Variants in CRHR1 observed in about 807,000 individuals in gnomAD.
The protein encoded by CRHR1 is corticotropin-releasing hormone receptor 1.
In CRHR1, 28 loss-of-function variants were observed where a neutral mutation model predicts 56.0. The observed-to-expected ratio is 0.50, with a 90% CI of 0.37 to 0.69. The LOEUF is 0.69. Ranked by LOEUF, CRHR1 falls within the 30% of genes least tolerant of loss-of-function variation. The pLI, the probability that CRHR1 is intolerant of heterozygous loss-of-function variation, is 0.00. For synonymous variants in CRHR1, 195 were observed against 216.5 expected (o/e 0.90, Z 0.87); for missense variants, 376 against 548.0 (o/e 0.69, Z 3.13).
At chr17:45,833,097 C>A in intron 8 of CRHR1, 41 bp from the exon 9 acceptor site, 2 of 1,554,942 alleles carry the variant, frequency 1.3e-6, no homozygotes, top group Non-Finnish European at 8.9e-7. Context: ...TCGAGGTGGA[C>A]GCAGATGACC....
At chr17:45,794,277 T>C (rs2061478462) in intron 1 of CRHR1, among the ~76,000 whole-genome samples, 1 of 152,250 alleles carries the variant, frequency 6.6e-6, no homozygotes, top group African/African-American at 2.4e-5. Context: ...TGGATTCACA[T>C]GAAATGCTTA....
At chr17:45,815,569 T>C (rs1406647095) in intron 2 of CRHR1, among the ~76,000 whole-genome samples, 1 of 152,246 alleles carries the variant, frequency 6.6e-6, no homozygotes, top group Non-Finnish European at 1.5e-5. Context: ...TTAAAATGCA[T>C]GTATACACCA....
rs1344034362 is a variant in CRHR1, at chr17:45,830,232, A to G, written c.555+18A>G. On this transcript the variant is annotated intron_variant, in intron 6 of 12. Transcript: ENST00000314537. ...GCAACGTGGTACGTCCTGGCAGGGG[A>G]GCGGGGAGCAGGTCAGGCCAAACCC... The G allele has an allele frequency of 2.5e-6, 4 of 1,613,018 alleles. No homozygotes were observed. Among genetic ancestry groups the G allele is most frequent in the African/African-American group, 2.7e-5 (2 of 74,750 alleles).
At chr17:45,792,831 C>T (rs1184203121) in intron 1 of CRHR1, among the ~76,000 whole-genome samples, 1 of 152,266 alleles carries the variant, frequency 6.6e-6, no homozygotes, top group African/African-American at 2.4e-5. Context: ...CCAGATTCCA[C>T]ATGGACCCCT....
chr17:45,809,000 A>T (rs1845589428), intron 2 of CRHR1, among the ~76,000 whole-genome samples: 2 of 152,190 alleles, frequency 1.3e-5, no homozygotes, highest in South Asian at 4.1e-4. Context: ...ATTGCTCATA[A>T]TGATGGAGGG....
At position 45,833,485 on chromosome 17, in the gene CRHR1, A is replaced by G. The variant is rs1459323104; in HGVS notation, c.877A>G (p.Ile293Val). The change falls in exon 10 of 13, where the codon ATC becomes GTC. Residue 293 changes from isoleucine to valine, a missense_variant. Ile to Val is a conservative substitution (Grantham distance 29). Coordinates refer to ENST00000314537, the MANE Select transcript of CRHR1 (RefSeq NM_004382.5). ...NFIFLFNIVRILMTKLRASTT... is the reference protein window; with the variant it reads ...NFIFLFNIVRVLMTKLRASTT... ...CATCTTCCTTTTCAACATCGTCCGC[A>G]TCCTCATGACCAAGCTCCGGGCATC... is the stretch of plus-strand genomic sequence containing the variant. The G allele has an allele frequency of 6.2e-7, 1 of 1,613,968 alleles. No individual in the cohort carries two copies. Among genetic ancestry groups the G allele is most frequent in the Non-Finnish European group, 8.5e-7 (1 of 1,179,992 alleles).
chr17:45,823,465 T>A (rs1007475717), intron 4 of CRHR1, among the ~76,000 whole-genome samples: 3 of 145,892 alleles, frequency 2.1e-5, no homozygotes, highest in Non-Finnish European at 3.0e-5. Context: ...TGGAGTGCTG[T>A]GGCGCGATGT....
chr17:45,819,849 A>G (rs2062005313), intron 3 of CRHR1, among the ~76,000 whole-genome samples: 1 of 152,148 alleles, frequency 6.6e-6, no homozygotes, highest in African/African-American at 2.4e-5. Context: ...GAGAGAGGAG[A>G]GGCCACATCT....
At position 45,784,502 on chromosome 17, in the gene CRHR1, G is replaced by A. The variant is rs892858451; in HGVS notation, c.-43G>A. On this transcript the variant is annotated 5_prime_UTR_variant, in exon 1 of 13. Transcript: ENST00000314537. The surrounding 1 kb of genome is among the most constrained non-coding windows in gnomAD (Gnocchi z 4.2). ...GCCCGCCGGTCCCTCTGGGATGTCC[G>A]TAGGACCCGGGCATTCAGGACGGTA... The A allele has an allele frequency of 3.9e-6, 6 of 1,524,754 alleles. No homozygotes were observed. The highest frequency in any genetic ancestry group is 5.3e-6 in the Non-Finnish European group (6 of 1,134,632). 94.5% of individuals were successfully genotyped at this position (1,524,754 alleles called of 1,614,324 possible).
intron 7 of CRHR1, 31 bp downstream of exon 7, chr17:45,830,601 G>A (rs1380499435): frequency 6.3e-7 from 1 of 1,576,060 alleles, no homozygotes. Context: ...CGCAGCCTGG[G>A]CAGTGGCGGC....
In CRHR1 at chr17:45,833,817, A is replaced by G. The variant is rs751099004; in HGVS notation, c.1033A>G (p.Ile345Val). The change falls in exon 11 of 13, where the codon ATC becomes GTC. Residue 345 changes from isoleucine to valine, a missense_variant. This residue lies in a region of CRHR1 where 369 missense variants were observed against 519.5 expected (regional missense o/e 0.71). Transcript: ENST00000314537. The stretch of plus-strand genomic sequence containing the variant: ...GGATGAGGTCTCCCGGGTCGTCTTC[A>G]TCTACTTCAACTCCTTCCTGGAATC... ...GEDEVSRVVFIYFNSFLESFQ... is the reference protein window; with the variant it reads ...GEDEVSRVVFVYFNSFLESFQ... The G allele has an allele frequency of 2.5e-6, 4 of 1,613,318 alleles. No individual in the cohort carries two copies. The highest frequency in any genetic ancestry group is 3.4e-6 in the Non-Finnish European group (4 of 1,179,924).
At chr17:45,791,116 G>A (rs1241649605) in intron 1 of CRHR1, among the ~76,000 whole-genome samples, 1 of 152,038 alleles carries the variant, frequency 6.6e-6, no homozygotes. Flanking sequence ...TGTGTGAAGG[G>A]CTCATTTCTA....
chr17:45,803,488 G>A (rs2061660706), intron 1 of CRHR1, among the ~76,000 whole-genome samples: 1 of 152,152 alleles, frequency 6.6e-6, no homozygotes, highest in Non-Finnish European at 1.5e-5. Context: ...CTGGGTTCAA[G>A]CAATTCTCCT....
intron 1 of CRHR1, among the ~76,000 whole-genome samples, chr17:45,805,365 G>A (rs1456892291): frequency 6.6e-6 from 1 of 152,082 alleles, no homozygotes; most frequent in Non-Finnish European, 1.5e-5. Context: ...AGAAGGCTGC[G>A]TGCTGCCTGG....
At chr17:45,824,350 G>T (rs1177828312) in intron 4 of CRHR1, among the ~76,000 whole-genome samples, 1 of 152,240 alleles carries the variant, frequency 6.6e-6, no homozygotes, top group Non-Finnish European at 1.5e-5. Flanking sequence ...AGGTCAGGCT[G>T]CAGGCCGCAC....
rs1480770747 is a variant in CRHR1, at chr17:45,784,559, G to C, written c.15G>C (p.Pro5=). The part of the protein sequence containing the change: MGGH[P]QLRLVKALLL... ...CGAGCCCGAGGATGGGAGGGCACCCGCAGCTCCGTCTCGTCAAGGTAACAG... is the reference window on the plus strand; with the variant it reads ...CGAGCCCGAGGATGGGAGGGCACCCCCAGCTCCGTCTCGTCAAGGTAACAG... Residue 5 remains proline, a synonymous_variant, in exon 1 of 13, where the codon CCG becomes CCC. Transcript: ENST00000314537. This position sits in a 1 kb window ranked among gnomAD's most constrained non-coding sequence, Gnocchi z 4.2. The C allele has an allele frequency of 1.3e-6, 2 of 1,554,836 alleles. No homozygotes were observed. The highest frequency in any genetic ancestry group is 1.7e-6 in the Non-Finnish European group (2 of 1,150,542).
chr17:45,831,878 C>T (rs2062318383), intron 8 of CRHR1, among the ~76,000 whole-genome samples: 1 of 152,142 alleles, frequency 6.6e-6, no homozygotes, highest in East Asian at 1.9e-4. Context: ...GGGGCCTGCA[C>T]GGCTTCATTG....
intron 1 of CRHR1, among the ~76,000 whole-genome samples, chr17:45,785,002 G>A (rs1164295129): frequency 6.6e-6 from 1 of 151,940 alleles, no homozygotes; most frequent in Middle Eastern, 3.2e-3. Flanking sequence ...CCCCGACTCC[G>A]CACGCCCCCG....
chr17:45,799,396 A>G (rs1197784037), intron 1 of CRHR1: 1 of 152,268 alleles, frequency 6.6e-6, no homozygotes, highest in Non-Finnish European at 1.5e-5. Context: ...ACCAGATCCC[A>G]GTATTTAAAT....
Sources: allele counts gnomAD v4.1 joint callset (sites outside exome capture counted in the v4.1 genomes callset), GRCh38; gene constraint gnomAD v4.1.1; regional missense constraint gnomAD v4.1.1; non-coding constraint Gnocchi (gnomAD v3.1); transcripts MANE v1.5; gene names NCBI Gene and HGNC (gene_info 2026-07-23, HGNC 2026-07-21).